RIC1: variants seen among roughly 807,000 people sequenced by gnomAD.
RIC1 encodes the protein RIC1 partner of RAB6A GEF complex, also known as guanine nucleotide exchange factor subunit RIC1.
Under a neutral mutation model 169.0 loss-of-function variants are expected in RIC1, and 88 were observed. That is an observed-to-expected ratio of 0.52 (90% CI 0.44 to 0.62). The LOEUF (loss-of-function observed/expected upper bound fraction) is 0.62. Among genes scored for constraint, RIC1 ranks in the 20% least tolerant of loss-of-function variants. RIC1 has a pLI of 0.00. For synonymous variants in RIC1, 790 were observed against 601.5 expected, an observed-to-expected ratio of 1.31 and a Z score of -4.59; for missense variants, 1,877 against 1,725.5, an observed-to-expected ratio of 1.09 and a Z score of -1.56.
intron 8 of RIC1, among the ~76,000 whole-genome samples, chr9:5,742,162 T>C (rs1189245052): frequency 6.6e-6 from 1 of 152,198 alleles, no homozygotes; most frequent in Non-Finnish European, 1.5e-5. Flanking sequence ...CATTCTCTCT[T>C]ATACCATGGA....
At chr9:5,712,412 G>T (rs1265485237) in intron 3 of RIC1, among the ~76,000 whole-genome samples, 1 of 152,140 alleles carries the variant, frequency 6.6e-6, no homozygotes, top group Non-Finnish European at 1.5e-5. Context: ...GCAACCTACA[G>T]AATGGGAGAA....
At position 5,711,788 on chromosome 9, in the gene RIC1, A is replaced by G. The variant is rs576209364; in HGVS notation, c.333-2108A>G. On this transcript the variant is annotated intron_variant, in intron 3 of 25. Coordinates refer to ENST00000414202, the MANE Select transcript of RIC1 (RefSeq NM_020829.4). ...CCCTTTCCTGTGTCCAAGTGTTCTCATTGTTCAATTCCCACCTATGAGTGA... is the reference window on the plus strand; with the variant it reads ...CCCTTTCCTGTGTCCAAGTGTTCTCGTTGTTCAATTCCCACCTATGAGTGA... 2.0e-5 allele frequency among the ~76,000 whole-genome samples: 3 copies of G among 152,166 alleles called. No homozygotes were observed. In the South Asian group the frequency reaches 6.2e-4, roughly 32 times the overall value.
rs192882108 is a variant in RIC1, at chr9:5,702,074, A to G, written c.333-11822A>G. ...AAGGCAATGGTGTGAATTAGAGTTGATTTTTTCCCAGTCTGAAGCTCATAG... is the reference window on the plus strand; with the variant it reads ...AAGGCAATGGTGTGAATTAGAGTTGGTTTTTTCCCAGTCTGAAGCTCATAG... On this transcript the variant is annotated intron_variant, in intron 3 of 25. Transcript: ENST00000414202. Among the ~76,000 whole-genome samples the G allele has an allele frequency of 1.6e-3, 245 of 152,282 alleles. 1 individual carries two copies. The highest frequency in any genetic ancestry group is 5.8e-3 in the African/African-American group (239 of 41,548).
chr9:5,746,303 A>T (rs1825374364), intron 11 of RIC1, among the ~76,000 whole-genome samples: 1 of 152,110 alleles, frequency 6.6e-6, no homozygotes, highest in South Asian at 2.1e-4. Context: ...GGTCATAAGC[A>T]ATTTGACGGA....
At chr9:5,652,929 C>G (rs977732631) in intron 1 of RIC1, among the ~76,000 whole-genome samples, 2 of 152,084 alleles carry the variant, frequency 1.3e-5, no homozygotes, top group Non-Finnish European at 2.9e-5. Flanking sequence ...TGAGTTTTGT[C>G]AAATGCTTTT....
chr9:5,664,068 A>G (rs1375344602), intron 2 of RIC1, among the ~76,000 whole-genome samples: 1 of 152,114 alleles, frequency 6.6e-6, no homozygotes, highest in Non-Finnish European at 1.5e-5. Context: ...TATAAAGCTT[A>G]GTTTCGCCAG....
Position 5,763,984 on chromosome 9 carries a change from G to A in RIC1, c.2841+116G>A, listed in dbSNP as rs1826509938. On this transcript the variant is annotated intron_variant, in intron 19 of 25. Coordinates refer to ENST00000414202, the MANE Select transcript of RIC1 (RefSeq NM_020829.4). This position sits in a 1 kb window ranked among gnomAD's most constrained non-coding sequence, Gnocchi z 5.2. ...TAAGGAATTCATAGTCAAATTTTCT[G>A]TTTATATCTTTAATTTGGAAGAATT... is the stretch of plus-strand genomic sequence containing the variant. The A allele has an allele frequency of 8.7e-7, 1 of 1,154,116 alleles. No individual in the cohort carries two copies. The highest frequency in any genetic ancestry group is 2.8e-4 in the Middle Eastern group (1 of 3,586). The allele number at this position is 1,154,116 out of a possible 1,614,324, so 71.5% of individuals were successfully genotyped here. A position where few individuals can be genotyped will look rare whatever the true frequency, so the allele number is the denominator to read the frequency against.
Position 5,720,599 on chromosome 9 carries a change from T to C in RIC1, c.584-15T>C. On this transcript the variant is annotated splice_polypyrimidine_tract_variant and intron_variant, in intron 5 of 25. Coordinates refer to ENST00000414202, the MANE Select transcript of RIC1 (RefSeq NM_020829.4). ...TATTCTTAATCCTATTTCATGTGCTTATTTTTTTCATCAGTAGGTTCATTC... is the reference window on the plus strand; with the variant it reads ...TATTCTTAATCCTATTTCATGTGCTCATTTTTTTCATCAGTAGGTTCATTC... The C allele has an allele frequency of 6.4e-7, 1 of 1,574,764 alleles. No individual in the cohort carries two copies. Among genetic ancestry groups the C allele is most frequent in the Non-Finnish European group, 8.6e-7 (1 of 1,167,964 alleles).
chr9:5,675,714 A>G lies in RIC1; in HGVS notation c.253-14245A>G, dbSNP rs74862919. 7.0e-3 allele frequency among the ~76,000 whole-genome samples: 1,060 copies of G among 152,332 alleles called. 7 individuals are homozygous for G. The highest frequency in any genetic ancestry group is 0.011 in the Non-Finnish European group (775 of 68,036). On this transcript the variant is annotated intron_variant, in intron 2 of 25. Transcript: ENST00000414202. ...GGAATTTTAGGGGGGAAAAATGTAC[A>G]TACAAAATGGCCTACAAATAACATG...
At chr9:5,753,678 C>G in intron 14 of RIC1, 32 bp downstream of exon 14, 2 of 1,158,164 alleles carry the variant, frequency 1.7e-6, no homozygotes. Flanking sequence ...AAACCTATTT[C>G]TCAAAGTATA....
chr9:5,647,988 G>GGTGGTA (rs1332524299), intron 1 of RIC1, among the ~76,000 whole-genome samples: 37 of 119,898 alleles, frequency 3.1e-4, no homozygotes, highest in Non-Finnish European at 5.3e-4. Context: ...TGGTGGTGGT[G>GGTGGTA]GTGGTAGTGG....
chr9:5,724,577 C>G (rs1354201564), intron 6 of RIC1, among the ~76,000 whole-genome samples: 1 of 152,148 alleles, frequency 6.6e-6, no homozygotes, highest in Admixed American at 6.5e-5. Flanking sequence ...ATTGCTCTGG[C>G]CAGAACTTCC....
chr9:5,703,683 C>T (rs931301686), intron 3 of RIC1, among the ~76,000 whole-genome samples: 3 of 152,094 alleles, frequency 2.0e-5, no homozygotes, highest in African/African-American at 7.2e-5. Context: ...AAGGTTAATT[C>T]GTGTTTTAGC....
At chr9:5,690,315 T>C (rs1175827926) in intron 3 of RIC1, among the ~76,000 whole-genome samples, 1 of 152,084 alleles carries the variant, frequency 6.6e-6, no homozygotes, top group Non-Finnish European at 1.5e-5. Context: ...TCATTCCTTA[T>C]TAGGGAAGAG....
At chr9:5,743,878 T>C (rs920854783) in intron 10 of RIC1, 141 bp downstream of exon 10, 12 of 633,906 alleles carry the variant, frequency 1.9e-5, no homozygotes, top group Middle Eastern at 4.5e-4. Context: ...TGGCAGATCA[T>C]AGCTCACTGC....
chr9:5,671,266 T>G (rs1262799599), intron 2 of RIC1, among the ~76,000 whole-genome samples: 1 of 149,248 alleles, frequency 6.7e-6, no homozygotes, highest in African/African-American at 2.5e-5. Context: ...TTTATTATTA[T>G]TATTATTATT....
Position 5,768,946 on chromosome 9 carries a change from G to A in RIC1, c.3138-24G>A, listed in dbSNP as rs371102062. On this transcript the variant is annotated intron_variant, in intron 21 of 25. Transcript: ENST00000414202. ...ATCCTCCAGTAAAGATTATTCTGTA[G>A]CTTTCTTGTGTTTCCACTTACAGAT... The A allele has an allele frequency of 2.5e-6, 4 of 1,584,460 alleles. No individual in the cohort carries two copies. In the African/African-American group the frequency reaches 5.4e-5, roughly 22 times the overall value.
chr9:5,690,865 A>G (rs1380064452), intron 3 of RIC1, among the ~76,000 whole-genome samples: 1 of 151,980 alleles, frequency 6.6e-6, no homozygotes, highest in Non-Finnish European at 1.5e-5. Context: ...TAGGGAAAGT[A>G]GTCTCATTAA....
intron 17 of RIC1, among the ~76,000 whole-genome samples, chr9:5,761,513 T>C (rs1391108698): frequency 6.6e-6 from 1 of 152,150 alleles, no homozygotes; most frequent in Non-Finnish European, 1.5e-5. Flanking sequence ...TTTTTTTTTA[T>C]TTTTTCAAAT....
Sources: allele counts gnomAD v4.1 joint callset (sites outside exome capture counted in the v4.1 genomes callset), GRCh38; gene constraint gnomAD v4.1.1; non-coding constraint Gnocchi (gnomAD v3.1); transcripts MANE v1.5; gene names NCBI Gene and HGNC (gene_info 2026-07-23, HGNC 2026-07-21).